Variants in BCAS3 observed in about 807,000 individuals in gnomAD.
BCAS3 encodes the protein BCAS3 microtubule associated cell migration factor.
In BCAS3, 53 loss-of-function variants were observed where a neutral mutation model predicts 116.1. The observed-to-expected ratio is 0.46, with a 90% CI of 0.37 to 0.57. BCAS3 has a LOEUF of 0.57. BCAS3 is among the 20% of genes least tolerant of loss of function. The probability of loss-of-function intolerance (pLI) is 0.00; values close to 1 mark genes in which losing one functional copy is unlikely to be tolerated. For synonymous variants in BCAS3, 391 were observed against 408.2 expected, an observed-to-expected ratio of 0.96 and a Z score of 0.51; for missense variants, 917 against 1,165.4, an observed-to-expected ratio of 0.79 and a Z score of 3.10.
At chr17:60,732,534 A>G (rs1318394223) in intron 5 of BCAS3, among the ~76,000 whole-genome samples, 1 of 152,144 alleles carries the variant, frequency 6.6e-6, no homozygotes, top group Non-Finnish European at 1.5e-5. Flanking sequence ...CATAGGAAGT[A>G]ATGTATTAGT....
At position 61,341,961 on chromosome 17, in the gene BCAS3, G is replaced by A. The variant is rs142588722; in HGVS notation, c.2426-26366G>A. 4.0e-3 allele frequency among the ~76,000 whole-genome samples: 611 copies of A among 152,326 alleles called. 2 individuals are homozygous for A. The highest frequency in any genetic ancestry group is 0.017 in the Middle Eastern group (5 of 294). On this transcript the variant is annotated intron_variant, in intron 22 of 23. Coordinates refer to ENST00000407086, the MANE Select transcript of BCAS3 (RefSeq NM_017679.5). Reference sequence around the variant, plus strand: ...ATAGACAGAAAAGTGATTATGAGACGTGGACAGGCAGTGGGGGCAATCATG... The same window carrying A: ...ATAGACAGAAAAGTGATTATGAGACATGGACAGGCAGTGGGGGCAATCATG...
chr17:61,090,226 TC>T lies in BCAS3; in HGVS notation c.2425+5663del, dbSNP rs373267386. The stretch of plus-strand genomic sequence containing the variant: ...AAGTAACTCCTGAATATAAAGTTCT[TC>T]AGAAATATTAAGATATTTTTTGAAT... On this transcript the variant is annotated intron_variant, in intron 22 of 23. Transcript: ENST00000407086. 2.9e-3 allele frequency among the ~76,000 whole-genome samples: 447 copies of T among 152,340 alleles called. 5 individuals carry two copies. The highest frequency in any genetic ancestry group is 0.01 in the African/African-American group (425 of 41,560).
chr17:60,847,249 G>T (rs181839694), intron 7 of BCAS3, among the ~76,000 whole-genome samples: 26 of 152,160 alleles, frequency 1.7e-4, no homozygotes, highest in Admixed American at 1.6e-3. Flanking sequence ...GAGACATATG[G>T]GTGTTTCTAC....
intron 22 of BCAS3, among the ~76,000 whole-genome samples, chr17:61,125,461 A>G (rs1249519815): frequency 6.6e-6 from 1 of 152,204 alleles, no homozygotes; most frequent in East Asian, 1.9e-4. Context: ...GAGTTATGCT[A>G]TAAACTATAA....
At chr17:60,971,330 G>A (rs914981994) in intron 14 of BCAS3, among the ~76,000 whole-genome samples, 1 of 152,088 alleles carries the variant, frequency 6.6e-6, no homozygotes, top group African/African-American at 2.4e-5. Context: ...TTCTTTAAAG[G>A]ACCAGATAAT....
chr17:61,253,281 G>C lies in BCAS3; in HGVS notation c.2426-115046G>C, dbSNP rs747008913. On this transcript the variant is annotated intron_variant, in intron 22 of 23. Transcript: ENST00000407086. ...TAATATCAATGCCTGGGCTGGGCCC[G>C]GTGGCTCACGCCTGTAATCCCAACA... Among the ~76,000 whole-genome samples the C allele has an allele frequency of 6.6e-5, 10 of 151,554 alleles. No homozygotes were observed. In the South Asian group the frequency reaches 8.4e-4, roughly 13 times the overall value.
In BCAS3 at chr17:61,131,468, A is replaced by G. The variant is rs976746382; in HGVS notation, c.2425+46904A>G. On this transcript the variant is annotated intron_variant, in intron 22 of 23. Coordinates refer to ENST00000407086, the MANE Select transcript of BCAS3 (RefSeq NM_017679.5). This position sits in a 1 kb window ranked among gnomAD's most constrained non-coding sequence, Gnocchi z 4.4. Reference sequence around the variant, plus strand: ...AAATTACAATTCGTTAAATAAATTCATAATATATTTTATACGCTTAAAATG... The same window carrying G: ...AAATTACAATTCGTTAAATAAATTCGTAATATATTTTATACGCTTAAAATG... 6.6e-6 allele frequency among the ~76,000 whole-genome samples: 1 copy of G among 152,262 alleles called. No individual in the cohort carries two copies. Among genetic ancestry groups the G allele is most frequent in the African/African-American group, 2.4e-5 (1 of 41,472 alleles).
chr17:61,274,541 G>A (rs12951455), intron 22 of BCAS3, among the ~76,000 whole-genome samples: 9,505 of 151,996 alleles, frequency 0.063, 375 homozygotes, highest in African/African-American at 0.1. Flanking sequence ...CACCCACTGC[G>A]GCCTCCCAAA....
At chr17:61,295,740 C>T (rs1021508504) in intron 22 of BCAS3, among the ~76,000 whole-genome samples, 5 of 150,828 alleles carry the variant, frequency 3.3e-5, no homozygotes, top group Admixed American at 1.3e-4. Context: ...ATCACGAGGT[C>T]AGGAGTTCAA....
rs2080695833 is a variant in BCAS3, at chr17:61,199,510, A to G, written c.2425+114946A>G. Among the ~76,000 whole-genome samples, 1 of 152,182 alleles carries G rather than the reference A, an allele frequency of 6.6e-6. No homozygotes were observed. The highest frequency in any genetic ancestry group is 2.1e-4 in the South Asian group (1 of 4,832). On this transcript the variant is annotated intron_variant, in intron 22 of 23. Transcript: ENST00000407086. The surrounding 1 kb of genome is among the most constrained non-coding windows in gnomAD (Gnocchi z 4.6). ...GTTTAGGTGTATGTGATTCATTTTTATTATCTAATCACATATTTTTTTCCC... is the reference window on the plus strand; with the variant it reads ...GTTTAGGTGTATGTGATTCATTTTTGTTATCTAATCACATATTTTTTTCCC...
At chr17:61,006,330 C>T (rs959544686) in intron 15 of BCAS3, among the ~76,000 whole-genome samples, 12 of 152,168 alleles carry the variant, frequency 7.9e-5, no homozygotes, top group African/African-American at 2.4e-4. Context: ...TAAGAAAATA[C>T]ACTTTAAATC....
intron 13 of BCAS3, among the ~76,000 whole-genome samples, chr17:60,941,594 G>T (rs2060228201): frequency 6.6e-6 from 1 of 152,030 alleles, no homozygotes; most frequent in Non-Finnish European, 1.5e-5. Flanking sequence ...TAAACTTACT[G>T]GTGGATTGTA....
chr17:61,034,104 CTTCCCTT>C lies in BCAS3; in HGVS notation c.1638-561_1638-555del, dbSNP rs1306336713. ...TAATTGCATTAGATGATTAGCTATTCTTCCCTTGCACTGTCTAACTCTCCATAGCATT... is the reference window on the plus strand; with the variant it reads ...TAATTGCATTAGATGATTAGCTATTCGCACTGTCTAACTCTCCATAGCATT... On this transcript the variant is annotated intron_variant, in intron 16 of 23. Transcript: ENST00000407086. This position sits in a 1 kb window ranked among gnomAD's most constrained non-coding sequence, Gnocchi z 5.0. Among the ~76,000 whole-genome samples the C allele has an allele frequency of 6.6e-6, 1 of 152,188 alleles. No homozygotes were observed. The highest frequency in any genetic ancestry group is 6.5e-5 in the Admixed American group (1 of 15,276).
chr17:60,842,481 G>C (rs376067990), intron 7 of BCAS3, among the ~76,000 whole-genome samples: 1 of 151,852 alleles, frequency 6.6e-6, no homozygotes, highest in African/African-American at 2.4e-5. Context: ...ATTAAAAAAA[G>C]AAAGTATACT....
chr17:60,718,058 T>C (rs1197526698), intron 5 of BCAS3, among the ~76,000 whole-genome samples: 1 of 152,192 alleles, frequency 6.6e-6, no homozygotes, highest in Non-Finnish European at 1.5e-5. Flanking sequence ...GATAATCTAA[T>C]GCTGCTGCTG....
rs1555698457 is a variant in BCAS3 at position 61,070,400 on chromosome 17, T to TATATATATA, written c.2030-4520_2030-4519insATATATATA. On this transcript the variant is annotated intron_variant, in intron 19 of 23. Transcript: ENST00000407086. Reference sequence around the variant, plus strand: ...ATATATATATATATATATATATATATCTTTTCACCATTTAAAAAAAATAGA... The same window carrying TATATATATA: ...ATATATATATATATATATATATATATATATATATACTTTTCACCATTTAAAAAAAATAGA... The TATATATATA allele has an allele frequency of 5.6e-3, 1,015 of 180,886 alleles. 32 individuals are homozygous for TATATATATA. Among genetic ancestry groups the TATATATATA allele is most frequent in the Non-Finnish European group, 8.0e-3 (756 of 94,104 alleles). The allele number at this position is 180,886 out of a possible 1,614,324, so 11.2% of individuals were successfully genotyped here.
At chr17:61,090,602 T>C (rs1315992177) in intron 22 of BCAS3, among the ~76,000 whole-genome samples, 1 of 152,214 alleles carries the variant, frequency 6.6e-6, no homozygotes, top group East Asian at 1.9e-4. Flanking sequence ...ATAAGGAAAA[T>C]GCTCAGCTGT....
intron 7 of BCAS3, among the ~76,000 whole-genome samples, chr17:60,853,560 C>T (rs8067638): frequency 0.03 from 4,608 of 152,182 alleles, 181 homozygotes; most frequent in East Asian, 0.092. Flanking sequence ...GAAACTTAGA[C>T]AAACATTCTT....
At chr17:61,147,538 G>T (rs536263035) in intron 22 of BCAS3, among the ~76,000 whole-genome samples, 3 of 152,282 alleles carry the variant, frequency 2.0e-5, no homozygotes, top group South Asian at 4.1e-4. Context: ...GGTGTTTCTT[G>T]TATCAAAGTA....
Sources: gnomAD v4.1 joint callset for allele counts (sites outside exome capture counted in the v4.1 genomes callset) on GRCh38, gnomAD v4.1.1 for gene constraint, Gnocchi (gnomAD v3.1) non-coding constraint, MANE v1.5 for transcripts, NCBI Gene and HGNC (gene_info 2026-07-23, HGNC 2026-07-21) for gene names.